PRKCE: variants seen among roughly 807,000 people sequenced by gnomAD.
PRKCE encodes protein kinase C epsilon type.
A neutral mutation model predicts 85.4 loss-of-function variants in PRKCE; 16 were observed. That is an observed-to-expected ratio of 0.19 (90% confidence interval 0.13 to 0.28). The LOEUF (loss-of-function observed/expected upper bound fraction) is 0.28, where lower values mean the gene tolerates loss of function less well. Ranked by LOEUF, PRKCE falls within the 10% of genes least tolerant of loss-of-function variation. PRKCE has a pLI of 1.00. For synonymous variants in PRKCE, 388 were observed against 371.5 expected (o/e 1.04, Z -0.51); for missense variants, 573 against 975.2 (o/e 0.59, Z 5.49).
intron 1 of PRKCE, chr2:45,675,300 C>T (rs945705540): frequency 2.0e-5 from 3 of 152,298 alleles, no homozygotes; most frequent in Non-Finnish European, 4.4e-5. Flanking sequence ...TTCAGCTCTT[C>T]TCAGCTCACC....
chr2:45,807,311 C>T (rs1054753972), intron 1 of PRKCE, among the ~76,000 whole-genome samples: 7 of 152,228 alleles, frequency 4.6e-5, no homozygotes, highest in African/African-American at 1.7e-4. Flanking sequence ...GGGCTTCTCA[C>T]ACTTGGCATT....
At chr2:45,911,105 C>A (rs745605319) in intron 2 of PRKCE, among the ~76,000 whole-genome samples, 4 of 152,224 alleles carry the variant, frequency 2.6e-5, no homozygotes, top group Admixed American at 6.5e-5. Flanking sequence ...CAAACCCTAG[C>A]AAAGGCTTGA....
At chr2:45,944,628 A>G (rs1240251787) in intron 2 of PRKCE, among the ~76,000 whole-genome samples, 1 of 146,616 alleles carries the variant, frequency 6.8e-6, no homozygotes, top group Non-Finnish European at 1.5e-5. Flanking sequence ...AGCCGGGACT[A>G]CAGGTGCGTG....
intron 10 of PRKCE, among the ~76,000 whole-genome samples, chr2:46,029,222 A>G (rs1016884678): frequency 3.9e-5 from 6 of 152,202 alleles, no homozygotes; most frequent in Non-Finnish European, 7.3e-5. Context: ...AGACACAGGG[A>G]GGTAGAATGA....
intron 2 of PRKCE, among the ~76,000 whole-genome samples, chr2:45,909,741 G>C (rs1697241293): frequency 6.6e-6 from 1 of 152,244 alleles, no homozygotes; most frequent in South Asian, 2.1e-4. Context: ...GCAGGAGTCA[G>C]TGAGTCAGTG....
chr2:45,937,717 A>AG (rs1220664641), intron 2 of PRKCE, among the ~76,000 whole-genome samples: 3 of 151,194 alleles, frequency 2.0e-5, no homozygotes, highest in Non-Finnish European at 3.0e-5. Flanking sequence ...TCCGTCTCAA[A>AG]GAAAAAAAAA....
intron 1 of PRKCE, among the ~76,000 whole-genome samples, chr2:45,791,149 G>A (rs188287512): frequency 3.9e-5 from 6 of 152,324 alleles, no homozygotes; most frequent in Non-Finnish European, 8.8e-5. Context: ...CTGGTCACGG[G>A]GCTTGGGGAC....
intron 2 of PRKCE, among the ~76,000 whole-genome samples, chr2:45,873,928 C>T (rs1369635418): frequency 6.6e-6 from 1 of 152,234 alleles, no homozygotes; most frequent in Non-Finnish European, 1.5e-5. Context: ...TTCACTTAGG[C>T]ACTGAGCTAT....
At chr2:45,776,719 C>A (rs1449556901) in intron 1 of PRKCE, among the ~76,000 whole-genome samples, 12 of 152,246 alleles carry the variant, frequency 7.9e-5, no homozygotes, top group African/African-American at 2.7e-4. Flanking sequence ...CCATGACACT[C>A]TGATTCCGTT....
chr2:46,050,412 A>G (rs1488373826), intron 10 of PRKCE, among the ~76,000 whole-genome samples: 2 of 152,198 alleles, frequency 1.3e-5, no homozygotes, highest in East Asian at 3.8e-4. Flanking sequence ...AAGGTGTCTA[A>G]TTTCTGTAAT....
intron 1 of PRKCE, among the ~76,000 whole-genome samples, chr2:45,730,030 T>A (rs755311278): frequency 6.6e-6 from 1 of 152,208 alleles, no homozygotes; most frequent in Non-Finnish European, 1.5e-5. Flanking sequence ...TTGAGTCCGT[T>A]GGTTAACCTT....
chr2:45,894,535 A>G (rs375239523), intron 2 of PRKCE, among the ~76,000 whole-genome samples: 8 of 151,788 alleles, frequency 5.3e-5, no homozygotes, highest in African/African-American at 1.9e-4. Context: ...TGGGCAAGTT[A>G]CTTAGCTTAC....
intron 9 of PRKCE, 84 bp downstream of exon 9, chr2:46,007,745 G>C: frequency 1.4e-6 from 2 of 1,405,248 alleles, no homozygotes; most frequent in South Asian, 1.3e-5. Flanking sequence ...ATTGAGAGAG[G>C]AACCTTTCAG....
intron 1 of PRKCE, among the ~76,000 whole-genome samples, chr2:45,731,603 T>C (rs180826253): frequency 8.0e-5 from 12 of 150,790 alleles, no homozygotes; most frequent in Admixed American, 4.0e-4. Context: ...CCAAGAATTT[T>C]CTGAATTCCT....
At chr2:45,894,998 C>G (rs760653162) in intron 2 of PRKCE, among the ~76,000 whole-genome samples, 2 of 152,224 alleles carry the variant, frequency 1.3e-5, no homozygotes, top group Admixed American at 6.5e-5. Context: ...GCTGGGATTA[C>G]AGGCATCAGC....
At chr2:46,085,022 G>T (rs1558436395) in intron 10 of PRKCE, among the ~76,000 whole-genome samples, 1 of 151,896 alleles carries the variant, frequency 6.6e-6, no homozygotes, top group Admixed American at 6.6e-5. Context: ...TTATCATTTT[G>T]TCCATTTCCC....
chr2:45,744,114 G>T (rs35324358), intron 1 of PRKCE, among the ~76,000 whole-genome samples: 91,542 of 151,454 alleles, frequency 0.6, 27,790 homozygotes, highest in South Asian at 0.72. Flanking sequence ...TTTCTTGCTT[G>T]ATGTTTCTGA....
At chr2:45,814,751 A>T (rs1688907633) in intron 1 of PRKCE, among the ~76,000 whole-genome samples, 1 of 152,138 alleles carries the variant, frequency 6.6e-6, no homozygotes, top group Admixed American at 6.5e-5. Context: ...AGAGTTGCTG[A>T]CATGTCCTAG....
chr2:45,891,122 T>A (rs375356932), intron 2 of PRKCE, among the ~76,000 whole-genome samples: 16 of 152,310 alleles, frequency 1.1e-4, no homozygotes, highest in East Asian at 9.6e-4. Context: ...AAAGTGAAAG[T>A]GGCATGTGCT....
Sources: gnomAD v4.1 joint callset for allele counts (sites outside exome capture counted in the v4.1 genomes callset) on GRCh38, gnomAD v4.1.1 for gene constraint, MANE v1.5 for transcripts, NCBI Gene and HGNC (gene_info 2026-07-23, HGNC 2026-07-21) for gene names.